Variants in PLXNA3 observed in about 807,000 individuals in gnomAD.
PLXNA3 encodes the protein plexin A3, also known as plexin-A3.
A neutral mutation model predicts 118.8 loss-of-function variants in PLXNA3; 52 were observed. The ratio of observed to expected loss-of-function variants is 0.44; its 90% CI spans 0.35 to 0.55. PLXNA3 has a LOEUF of 0.55. Ranked by LOEUF, PLXNA3 falls within the 20% of genes least tolerant of loss-of-function variation. The pLI is 0.01. For synonymous variants in PLXNA3, 925 were observed against 762.4 expected, an observed-to-expected ratio of 1.21 and a Z score of -3.51; for missense variants, 1,660 against 1,730.8, an observed-to-expected ratio of 0.96 and a Z score of 0.73.
Position 154,476,717 on chromosome X carries a change from C to G in PLXNA3, c.*4032C>G, listed in dbSNP as rs1414130304. On this transcript the variant is annotated 3_prime_UTR_variant, in exon 33 of 33. Transcript: ENST00000369682. ...AAATGAAAGAACACGCCAAACCAGA[C>G]AAAATATATGGAATGCAGAGTATTA... is the stretch of plus-strand genomic sequence containing the variant. 1 of 111,416 alleles carries G rather than the reference C, an allele frequency of 9.0e-6. No homozygotes were observed. 9.2% of individuals were successfully genotyped at this position (111,416 alleles called of 1,213,427 possible). A position where few individuals can be genotyped will look rare whatever the true frequency, so the allele number is the denominator to read the frequency against.
rs201978680 is a variant in PLXNA3 at position 154,477,702 on chromosome X, C to CA, written c.*5017_*5018insA. 1 of 145,181 alleles carries CA rather than the reference C, an allele frequency of 6.9e-6. No individual in the cohort carries two copies. The highest frequency in any genetic ancestry group is 2.0e-4 in the Admixed American group (1 of 5,069). The allele number at this position is 145,181 out of a possible 1,213,427, so 12.0% of individuals were successfully genotyped here. The stretch of plus-strand genomic sequence containing the variant: ...TCCTTGAATATCTGAATTCTAGAAC[C>CA]CCCCCCCCAGCAACCCAAGCACAAC... On this transcript the variant is annotated 3_prime_UTR_variant, in exon 33 of 33. Transcript: ENST00000369682.
chrX:154,458,797 T>A (rs2068884867), intron 1 of PLXNA3, among the ~76,000 whole-genome samples: 1 of 112,112 alleles, frequency 8.9e-6, no homozygotes, highest in African/African-American at 3.2e-5. Context: ...GGGCTGCCCC[T>A]TCCTCAGGCT....
At position 154,465,325 on chromosome X, in the gene PLXNA3, T is replaced by C. The variant is rs782799069; in HGVS notation, c.2245-99T>C. On this transcript the variant is annotated intron_variant, in intron 11 of 32. Transcript: ENST00000369682. ...GCAGGGAACTGTCTGAGTCTCCTGC[T>C]AGGGATTCCTGTACCTGGAGGAGGG... 12 of 1,033,341 alleles carry C rather than the reference T, an allele frequency of 1.2e-5. No individual in the cohort carries two copies. In the African/African-American group the frequency reaches 2.1e-4, roughly 18 times the overall value. The allele number at this position is 1,033,341 out of a possible 1,213,427, so 85.2% of individuals were successfully genotyped here. A position where few individuals can be genotyped will look rare whatever the true frequency, so the allele number is the denominator to read the frequency against.
At chrX:154,462,768 G>C (rs782645647) in intron 4 of PLXNA3, among the ~76,000 whole-genome samples, 40 of 111,288 alleles carry the variant, frequency 3.6e-4, no homozygotes, top group African/African-American at 1.3e-3. Context: ...GGGGGCTGAA[G>C]CTGCTTCCAT....
intron 15 of PLXNA3, 34 bp downstream of exon 15, chrX:154,466,304 C>T (rs782194064): frequency 9.1e-6 from 11 of 1,209,435 alleles, no homozygotes; most frequent in Middle Eastern, 2.3e-4. Flanking sequence ...CTTCCTGTCC[C>T]TTCTCTCTCC....
At chrX:154,465,248 G>A in intron 11 of PLXNA3, 30 bp downstream of exon 11, 2 of 1,162,696 alleles carry the variant, frequency 1.7e-6, no homozygotes, top group Non-Finnish European at 1.2e-6. Context: ...CTCCCTTCGG[G>A]GTCTGGGCTG....
In PLXNA3 at chrX:154,464,248, C is replaced by T; in HGVS notation, c.1763C>T (p.Pro588Leu). Residue 588 changes from proline to leucine, a missense_variant, in exon 8 of 33, where the codon CCC becomes CTC. By Grantham distance (98) the Pro-to-Leu change is moderately conservative (BLOSUM62 -3). This residue lies in a region of PLXNA3 where 791 missense variants were observed against 652.1 expected (regional missense o/e 1.21). Coordinates refer to ENST00000369682, the MANE Select transcript of PLXNA3 (RefSeq NM_017514.5). ...AAAENEAVLL[P>L]SGELLCPSPS... The stretch of plus-strand genomic sequence containing the variant: ...GCGGAGAACGAGGCGGTCCTGCTGC[C>T]CTCCGGTGAACTGCTCTGCCCCTCA... The T allele has an allele frequency of 8.3e-7, 1 of 1,208,457 alleles. No homozygotes were observed. The highest frequency in any genetic ancestry group is 1.1e-6 in the Non-Finnish European group (1 of 894,863).
chrX:154,465,218 G>T lies in PLXNA3; in HGVS notation c.2244G>T (p.Ser748=), dbSNP rs782255076. ...NSSSVQCQNA[S]YSYEGDEHGD... ...GCAGTGTGCAGTGCCAGAACGCCTC[G>T]GTGAGGTCCCACCCGCTGCCTCCCT... The change falls in exon 11 of 33, where the codon TCG becomes TCT. Residue 748 remains serine, a splice_region_variant and synonymous_variant. Transcript: ENST00000369682. 8.3e-7 allele frequency: 1 copy of T among 1,203,204 alleles called. No homozygotes were observed. The highest frequency in any genetic ancestry group is 1.1e-6 in the Non-Finnish European group (1 of 890,564).
At chrX:154,464,721 C>T (rs781840414) in intron 9 of PLXNA3, 33 bp from the exon 10 acceptor site, 3 of 993,909 alleles carry the variant, frequency 3.0e-6, no homozygotes, top group South Asian at 2.2e-5. Flanking sequence ...AGTGCAGCCT[C>T]CTCTGTTATT....
In PLXNA3 at chrX:154,470,468, C is replaced by G; in HGVS notation, c.5013C>G (p.Asp1671Glu). 8.3e-7 allele frequency: 1 copy of G among 1,211,058 alleles called. No individual in the cohort carries two copies. ...TKGTLQKFVD[D>E]LFETVFSTAH... ...GCACACTGCAGAAGTTCGTGGATGACCTCTTTGAGACAGTGTTCAGCACAG... is the reference window on the plus strand; with the variant it reads ...GCACACTGCAGAAGTTCGTGGATGAGCTCTTTGAGACAGTGTTCAGCACAG... The change falls in exon 30 of 33, where the codon GAC becomes GAG. Residue 1671 changes from aspartate to glutamate, a missense_variant. This residue lies in a region of PLXNA3 where 869 missense variants were observed against 1,078.7 expected (regional missense o/e 0.81). Coordinates refer to ENST00000369682, the MANE Select transcript of PLXNA3 (RefSeq NM_017514.5).
Position 154,467,861 on chromosome X carries a change from G to A in PLXNA3, c.3680G>A (p.Gly1227Glu). ...TLPAMMGLAA[G>E]GGLLLLAITA... ...CCGGCCATGATGGGGCTGGCGGCGG[G>A]GGGTGGGCTCCTGCTGCTGGCCATC... The change falls in exon 21 of 33, where the codon GGG becomes GAG. Residue 1227 changes from glycine to glutamate, a missense_variant. By Grantham distance (98) the Gly-to-Glu change is moderately conservative (BLOSUM62 -2). Around this residue, in one of 2 missense-constraint regions of PLXNA3, gnomAD observed 869 missense variants for 1,078.7 expected, o/e 0.81. Transcript: ENST00000369682. The A allele has an allele frequency of 8.3e-7, 1 of 1,208,737 alleles. No homozygotes were observed.
rs1033718217 is a variant in PLXNA3 at position 154,469,303 on chromosome X, C to T, written c.4595-76C>T. ...TGGGCTCTCCCGCTCCCCACCTGAACCCTGTTTCCAAAGAGGAGTGGGCCA... is the reference window on the plus strand; with the variant it reads ...TGGGCTCTCCCGCTCCCCACCTGAATCCTGTTTCCAAAGAGGAGTGGGCCA... On this transcript the variant is annotated intron_variant, in intron 26 of 32. Transcript: ENST00000369682. 9.1e-5 allele frequency: 105 copies of T among 1,155,084 alleles called. No individual in the cohort carries two copies. The Admixed American group carries it at 1.7e-3, about 18-fold the overall frequency.
intron 29 of PLXNA3, 53 bp from the exon 30 acceptor site, chrX:154,470,387 TGG>T: frequency 8.8e-7 from 1 of 1,141,729 alleles, no homozygotes; most frequent in African/African-American, 1.8e-5. Flanking sequence ...TGTCCTGCTC[TGG>T]GGACATCCCA....
rs1557205002 is a variant in PLXNA3 at position 154,462,250 on chromosome X, C to T, written c.1257C>T (p.Ala419=). Residue 419 remains alanine, a synonymous_variant, in exon 4 of 33, where the codon GCC becomes GCT. Coordinates refer to ENST00000369682, the MANE Select transcript of PLXNA3 (RefSeq NM_017514.5). ...DSTDGMASVA[A]YTYRQHSVVF... ...CCGACGGCATGGCCAGCGTGGCCGC[C>T]TACACCTACCGCCAGCACTCTGTGG... 1 of 1,193,608 alleles carries T rather than the reference C, an allele frequency of 8.4e-7. No homozygotes were observed. Among genetic ancestry groups the T allele is most frequent in the Admixed American group, 2.3e-5 (1 of 43,657 alleles).
rs782117120 is a variant in PLXNA3, at chrX:154,472,576, C to G, written c.5521-14C>G. 61 of 1,156,203 alleles carry G rather than the reference C, an allele frequency of 5.3e-5. No homozygotes were observed. The Middle Eastern group carries it at 1.9e-3, about 36-fold the overall frequency. ...CCCTACAGAGCCCAGCTCCAGGGGA[C>G]TCCTCTCCCCCAGATTCTCACGGCT... is the stretch of plus-strand genomic sequence containing the variant. On this transcript the variant is annotated splice_polypyrimidine_tract_variant and intron_variant, in intron 32 of 32. Transcript: ENST00000369682.
At chrX:154,469,533 C>T (rs782035752) in intron 27 of PLXNA3, 51 bp downstream of exon 27, 1 of 1,029,350 alleles carries the variant, frequency 9.7e-7, no homozygotes, top group South Asian at 1.9e-5. Flanking sequence ...AGCCAGGACC[C>T]TGCCTTGAGC....
chrX:154,464,530 C>T (rs782198802), intron 9 of PLXNA3, 29 bp downstream of exon 9: 1 of 1,137,305 alleles, frequency 8.8e-7, no homozygotes. Context: ...CCCGTCCCTA[C>T]CCCTGGGGAT....
chrX:154,460,228 G>T lies in PLXNA3; in HGVS notation c.45G>T (p.Gly15=). The change falls in exon 2 of 33, where the codon GGG becomes GGT. Residue 15 remains glycine, a synonymous_variant. Coordinates refer to ENST00000369682, the MANE Select transcript of PLXNA3 (RefSeq NM_017514.5). ...TCCTGCTGCTCTTCCTTGCCGTGGG[G>T]GGGGCCCTGGGCAACAGGCCCTTCC... ...CLLLLLFLAV[G]GALGNRPFRA... is the part of the protein sequence containing the mutation. 8.3e-7 allele frequency: 1 copy of T among 1,209,604 alleles called. No homozygotes were observed. Among genetic ancestry groups the T allele is most frequent in the East Asian group, 3.0e-5 (1 of 33,858 alleles).
Position 154,470,043 on chromosome X carries a change from A to G in PLXNA3, c.4862A>G (p.Asp1621Gly). The G allele has an allele frequency of 8.3e-7, 1 of 1,210,650 alleles. No individual in the cohort carries two copies. Among genetic ancestry groups the G allele is most frequent in the Non-Finnish European group, 1.1e-6 (1 of 894,801 alleles). The change falls in exon 29 of 33, where the codon GAC (aspartate) becomes GGC (glycine). Residue 1621 changes from aspartate (D) to glycine (G), a missense_variant. Coordinates refer to ENST00000369682, the MANE Select transcript of PLXNA3 (RefSeq NM_017514.5). Reference sequence around the variant, plus strand: ...TCACGGGCACCCATGATTACGCCTGACCAGGAGACAGGCACCAAATTGTGG... The same window carrying G: ...TCACGGGCACCCATGATTACGCCTGGCCAGGAGACAGGCACCAAATTGTGG... ...LRSRAPMITPDQETGTKLWHL... is the reference protein window; with the variant it reads ...LRSRAPMITPGQETGTKLWHL...
Sources: gnomAD v4.1 joint callset for allele counts (sites outside exome capture counted in the v4.1 genomes callset) on GRCh38, gnomAD v4.1.1 for gene constraint, gnomAD v4.1.1 regional missense constraint, MANE v1.5 for transcripts, NCBI Gene and HGNC (gene_info 2026-07-23, HGNC 2026-07-21) for gene names.